Variants in TMCC3 observed in about 807,000 individuals in gnomAD.
The protein encoded by TMCC3 is transmembrane and coiled-coil domain family 3.
A neutral mutation model predicts 40.2 loss-of-function variants in TMCC3; 28 were observed. The observed-to-expected ratio is 0.70, with a 90% CI of 0.52 to 0.95. The LOEUF (loss-of-function observed/expected upper bound fraction) is 0.95. Ranked by LOEUF, TMCC3 falls within the 40% of genes least tolerant of loss-of-function variation. TMCC3 has a pLI of 0.00. For synonymous variants in TMCC3, 255 were observed against 248.5 expected (o/e 1.03, Z -0.25); for missense variants, 554 against 615.2 (o/e 0.90, Z 1.05).
Position 94,582,996 on chromosome 12 carries a change from A to ATTT in TMCC3, c.79-459_79-458insAAA, listed in dbSNP as rs1566316435. On this transcript the variant is annotated intron_variant, in intron 1 of 3. Transcript: ENST00000261226. The stretch of plus-strand genomic sequence containing the variant: ...TTTTTTTTTTTTTTTTTTTTTTTTA[A>ATTT]AAAAGAAAGATGGGGAAAAATAGGG... Among the ~76,000 whole-genome samples the ATTT allele has an allele frequency of 2.7e-4, 6 of 22,094 alleles. No individual in the cohort carries two copies. The African/African-American group carries it at 4.1e-3, about 15-fold the overall frequency. The allele number at this position is 22,094 out of a possible 152,430, so 14.5% of individuals were successfully genotyped here. A position where few individuals can be genotyped will look rare whatever the true frequency, so the allele number is the denominator to read the frequency against.
chr12:94,603,838 ATTATC>A (rs1419917198), intron 1 of TMCC3, among the ~76,000 whole-genome samples: 1 of 152,182 alleles, frequency 6.6e-6, no homozygotes, highest in African/African-American at 2.4e-5. Flanking sequence ...TGTCAAAACT[ATTATC>A]TTTATAGTAC....
intron 3 of TMCC3, among the ~76,000 whole-genome samples, chr12:94,574,220 TA>T (rs930034190): frequency 7.1e-4 from 104 of 147,354 alleles, no homozygotes; most frequent in Admixed American, 6.3e-3. Context: ...CCCTCTTTAC[TA>T]AAAAAAAAAT....
At chr12:94,578,266 T>A in intron 3 of TMCC3, 128 bp downstream of exon 3, 1 of 1,074,470 alleles carries the variant, frequency 9.3e-7, no homozygotes, top group Non-Finnish European at 1.3e-6. Context: ...AAAATGTTTG[T>A]GCAGAGAAAA....
chr12:94,627,739 C>T (rs1288492031), intron 1 of TMCC3, among the ~76,000 whole-genome samples: 1 of 152,220 alleles, frequency 6.6e-6, no homozygotes, highest in African/African-American at 2.4e-5. Context: ...TTTGAGTGTC[C>T]TGTTTAAAAC....
Position 94,586,544 on chromosome 12 carries a change from A to G in TMCC3, c.79-4006T>C, listed in dbSNP as rs17022783. ...CTCACAGATAAGACGAGATGAAGTTATTTAAAATCTGGCTGGCATTCTCTA... is the reference window on the plus strand; with the variant it reads ...CTCACAGATAAGACGAGATGAAGTTGTTTAAAATCTGGCTGGCATTCTCTA... On this transcript the variant is annotated intron_variant, in intron 1 of 3. Transcript: ENST00000261226. Among the ~76,000 whole-genome samples, 908 of 152,378 alleles carry G rather than the reference A, an allele frequency of 6.0e-3. 21 individuals carry two copies. The East Asian group carries it at 0.067, about 11-fold the overall frequency.
intron 1 of TMCC3, among the ~76,000 whole-genome samples, chr12:94,643,033 T>C (rs888456972): frequency 2.0e-5 from 3 of 151,728 alleles, no homozygotes; most frequent in African/African-American, 7.3e-5. Context: ...TCTACTAAAA[T>C]ACAAAAAAAT....
chr12:94,585,391 G>A (rs935697233), intron 1 of TMCC3, among the ~76,000 whole-genome samples: 2 of 152,068 alleles, frequency 1.3e-5, no homozygotes, highest in African/African-American at 4.8e-5. Context: ...AAAATCCTAC[G>A]TATTCTTTAA....
intron 1 of TMCC3, among the ~76,000 whole-genome samples, chr12:94,637,583 G>A (rs748540382): frequency 1.2e-4 from 19 of 152,226 alleles, no homozygotes; most frequent in Non-Finnish European, 2.4e-4. Context: ...AGTGTTCAGC[G>A]TGGTAATATC....
At chr12:94,642,141 C>A (rs1002294901) in intron 1 of TMCC3, among the ~76,000 whole-genome samples, 1 of 152,122 alleles carries the variant, frequency 6.6e-6, no homozygotes, top group Non-Finnish European at 1.5e-5. Flanking sequence ...TCTCATTCCA[C>A]CCCTATAACT....
At chr12:94,630,747 G>A (rs891331696) in intron 1 of TMCC3, among the ~76,000 whole-genome samples, 1 of 139,118 alleles carries the variant, frequency 7.2e-6, no homozygotes, top group African/African-American at 2.8e-5. Context: ...TTTTGTTTTT[G>A]AGGCAAAGTC....
chr12:94,624,726 ATAT>A (rs377738208), intron 1 of TMCC3, among the ~76,000 whole-genome samples: 6 of 151,646 alleles, frequency 4.0e-5, no homozygotes, highest in South Asian at 2.1e-4. Context: ...TTAAAAAAAA[ATAT>A]ATTGTTCAGC....
In TMCC3 at chr12:94,602,433, A is replaced by C. The variant is rs555135791; in HGVS notation, c.79-19895T>G. On this transcript the variant is annotated intron_variant, in intron 1 of 3. Coordinates refer to ENST00000261226, the MANE Select transcript of TMCC3 (RefSeq NM_020698.4). Reference sequence around the variant, plus strand: ...TAAAGCTGAAAGTACCATAGCAAACATGTGCACTGGTTACATTTTCCCCTT... The same window carrying C: ...TAAAGCTGAAAGTACCATAGCAAACCTGTGCACTGGTTACATTTTCCCCTT... Among the ~76,000 whole-genome samples the C allele has an allele frequency of 1.7e-4, 26 of 152,344 alleles. No homozygotes were observed. In the South Asian group the frequency reaches 4.6e-3, roughly 27 times the overall value.
chr12:94,637,860 A>T (rs1405014015), intron 1 of TMCC3, among the ~76,000 whole-genome samples: 1 of 152,188 alleles, frequency 6.6e-6, no homozygotes, highest in Non-Finnish European at 1.5e-5. Context: ...CCACAGTACA[A>T]TTTCACAACA....
At chr12:94,591,079 G>A in intron 1 of TMCC3, 1 of 503,456 alleles carries the variant, frequency 2.0e-6, no homozygotes, top group Admixed American at 2.2e-5. Context: ...AATGCTCTTT[G>A]TCCTGGGAGA....
intron 1 of TMCC3, among the ~76,000 whole-genome samples, chr12:94,645,605 T>G (rs886710199): frequency 3.9e-5 from 6 of 151,998 alleles, no homozygotes; most frequent in Non-Finnish European, 8.8e-5. Flanking sequence ...GCCGAGCTAA[T>G]TTTTTTGTAT....
In TMCC3 at chr12:94,567,823, C is replaced by T. The variant is rs1298064155; in HGVS notation, c.*3612G>A. The T allele has an allele frequency of 6.6e-6, 1 of 152,154 alleles. No homozygotes were observed. Among genetic ancestry groups the T allele is most frequent in the Non-Finnish European group, 1.5e-5 (1 of 68,030 alleles). 9.4% of individuals were successfully genotyped at this position (152,154 alleles called of 1,614,324 possible). A position where few individuals can be genotyped will look rare whatever the true frequency, so the allele number is the denominator to read the frequency against. ...TAAATGTTTTTCCAAACCAATACAA[C>T]TATATCTGGATTCACTGCAAAAACA... is the stretch of plus-strand genomic sequence containing the variant. On this transcript the variant is annotated 3_prime_UTR_variant, in exon 4 of 4. Transcript: ENST00000261226.
chr12:94,594,161 C>G (rs528371192), intron 1 of TMCC3, among the ~76,000 whole-genome samples: 2 of 151,654 alleles, frequency 1.3e-5, no homozygotes, highest in Non-Finnish European at 2.9e-5. Flanking sequence ...CTTACCTCTC[C>G]AGGCCTGGGA....
At chr12:94,639,230 T>C (rs1328104992) in intron 1 of TMCC3, among the ~76,000 whole-genome samples, 1 of 152,202 alleles carries the variant, frequency 6.6e-6, no homozygotes, top group East Asian at 1.9e-4. Context: ...GAGACTGCCT[T>C]TGACTTATCA....
At chr12:94,599,467 T>C (rs1430085197) in intron 1 of TMCC3, among the ~76,000 whole-genome samples, 2 of 151,880 alleles carry the variant, frequency 1.3e-5, no homozygotes, top group African/African-American at 4.8e-5. Context: ...GGGTGGAAAG[T>C]GGAGAACAGG....
Sources: allele counts gnomAD v4.1 joint callset (sites outside exome capture counted in the v4.1 genomes callset), GRCh38; gene constraint gnomAD v4.1.1; transcripts MANE v1.5; gene names NCBI Gene and HGNC (gene_info 2026-07-23, HGNC 2026-07-21).